Variants in SND1 observed in about 807,000 individuals in gnomAD.
SND1 encodes the protein staphylococcal nuclease and tudor domain containing 1.
A neutral mutation model predicts 121.7 loss-of-function variants in SND1; 38 were observed. That is an observed-to-expected ratio of 0.31 (90% CI 0.24 to 0.41). SND1 has a LOEUF of 0.41. Ranked by LOEUF, SND1 falls within the 10% of genes least tolerant of loss-of-function variation. The pLI is 1.00. For synonymous variants in SND1, 401 were observed against 447.4 expected (o/e 0.90, Z 1.31); for missense variants, 868 against 1,184.6 (o/e 0.73, Z 3.92).
At chr7:127,812,397 G>T (rs1376654671) in intron 11 of SND1, among the ~76,000 whole-genome samples, 1 of 152,174 alleles carries the variant, frequency 6.6e-6, no homozygotes, top group African/African-American at 2.4e-5. Flanking sequence ...GTTTCATCAA[G>T]TCGTTCTTCA....
chr7:128,085,876 C>G lies in SND1; in HGVS notation c.2304+96C>G. ...CTCTCCAAGGTCCCTCTGAGCTTAC[C>G]AATAGAACAATGAGCATTGGGGCAT... On this transcript the variant is annotated intron_variant, in intron 20 of 23. Transcript: ENST00000354725. The surrounding 1 kb of genome is among the most constrained non-coding windows in gnomAD (Gnocchi z 4.4). The G allele has an allele frequency of 9.5e-7, 1 of 1,050,582 alleles. No homozygotes were observed. Among genetic ancestry groups the G allele is most frequent in the South Asian group, 1.3e-5 (1 of 74,450 alleles). 65.1% of individuals were successfully genotyped at this position (1,050,582 alleles called of 1,614,324 possible). A position where few individuals can be genotyped will look rare whatever the true frequency, so the allele number is the denominator to read the frequency against.
intron 16 of SND1, among the ~76,000 whole-genome samples, chr7:128,057,970 C>T (rs2117030229): frequency 6.6e-6 from 1 of 152,306 alleles, no homozygotes; most frequent in South Asian, 2.1e-4. Flanking sequence ...CTAAAAGTGA[C>T]CAGTGCTCAG....
At chr7:127,712,961 C>A (rs1415647652) in intron 9 of SND1, among the ~76,000 whole-genome samples, 1 of 152,192 alleles carries the variant, frequency 6.6e-6, no homozygotes, top group African/African-American at 2.4e-5. Context: ...AAGTAATTGG[C>A]AGTTATTTCC....
At chr7:127,839,079 C>T (rs1029810880) in intron 11 of SND1, among the ~76,000 whole-genome samples, 7 of 152,300 alleles carry the variant, frequency 4.6e-5, no homozygotes, top group African/African-American at 1.7e-4. Flanking sequence ...GTCACTGCAG[C>T]CTGGCTGTTC....
chr7:128,034,320 G>A (rs1284828979), intron 16 of SND1, among the ~76,000 whole-genome samples: 1 of 152,176 alleles, frequency 6.6e-6, no homozygotes, highest in Non-Finnish European at 1.5e-5. Context: ...AGACATGGAG[G>A]TAAGTCAAAC....
chr7:127,919,386 A>G (rs1800652386), intron 14 of SND1, among the ~76,000 whole-genome samples: 1 of 152,088 alleles, frequency 6.6e-6, no homozygotes, highest in Non-Finnish European at 1.5e-5. Context: ...GCCTCATCAG[A>G]TGTCTTTTAA....
At chr7:128,033,238 T>C (rs974248854) in intron 16 of SND1, among the ~76,000 whole-genome samples, 1 of 152,148 alleles carries the variant, frequency 6.6e-6, no homozygotes. Flanking sequence ...GACAGACTAG[T>C]GTAGGAGAAG....
intron 12 of SND1, among the ~76,000 whole-genome samples, chr7:127,868,490 A>C (rs910201222): frequency 6.6e-6 from 1 of 152,176 alleles, no homozygotes; most frequent in Admixed American, 6.5e-5. Context: ...TTGACTTAAC[A>C]AATGCTCGTG....
chr7:127,973,769 C>T (rs112342490), intron 15 of SND1, among the ~76,000 whole-genome samples: 2,957 of 152,328 alleles, frequency 0.019, 55 homozygotes, highest in Non-Finnish European at 0.029. Context: ...CCATATTACT[C>T]CCCCTTCTCA....
At chr7:127,861,074 C>G (rs753206808) in intron 12 of SND1, among the ~76,000 whole-genome samples, 1 of 152,152 alleles carries the variant, frequency 6.6e-6, no homozygotes, top group Non-Finnish European at 1.5e-5. Context: ...CTAGGTATAA[C>G]CCCATTTATG....
chr7:127,999,225 G>A (rs1325177071), intron 16 of SND1: 2 of 152,094 alleles, frequency 1.3e-5, no homozygotes, highest in Non-Finnish European at 2.9e-5. Context: ...GAACATGTAG[G>A]AAGGCCTCAA....
chr7:127,877,771 G>A (rs1398776713), intron 12 of SND1, among the ~76,000 whole-genome samples: 1 of 151,980 alleles, frequency 6.6e-6, no homozygotes, highest in Non-Finnish European at 1.5e-5. Flanking sequence ...CTTTGGTTTT[G>A]TTTCTTTTCT....
At chr7:127,887,591 G>A (rs1458063288) in intron 12 of SND1, among the ~76,000 whole-genome samples, 1 of 149,930 alleles carries the variant, frequency 6.7e-6, no homozygotes, top group East Asian at 2.0e-4. Flanking sequence ...GCAGTGGCTT[G>A]TTTATAACAT....
intron 11 of SND1, among the ~76,000 whole-genome samples, chr7:127,825,812 A>G (rs551651214): frequency 6.6e-6 from 1 of 152,384 alleles, no homozygotes; most frequent in African/African-American, 2.4e-5. Context: ...ATAAAGGAAA[A>G]ATAAAAGTAA....
chr7:127,799,968 C>T (rs540966175), intron 10 of SND1, among the ~76,000 whole-genome samples: 96 of 152,300 alleles, frequency 6.3e-4, no homozygotes, highest in Middle Eastern at 3.4e-3. Flanking sequence ...CTGCTGCTAG[C>T]TTGTAGCTTT....
chr7:127,678,480 TGA>T (rs1196261302), intron 1 of SND1, among the ~76,000 whole-genome samples: 2 of 152,102 alleles, frequency 1.3e-5, no homozygotes, highest in Non-Finnish European at 1.5e-5. Flanking sequence ...AGCACTGCCA[TGA>T]GCTCCTGGGC....
intron 15 of SND1, among the ~76,000 whole-genome samples, chr7:127,967,864 T>C (rs958347142): frequency 1.3e-5 from 2 of 152,240 alleles, no homozygotes; most frequent in African/African-American, 4.8e-5. Context: ...TGATTAAATA[T>C]GCTAAAACTC....
At chr7:127,946,964 A>G (rs879795556) in intron 15 of SND1, among the ~76,000 whole-genome samples, 3 of 147,848 alleles carry the variant, frequency 2.0e-5, no homozygotes, top group African/African-American at 7.6e-5. Flanking sequence ...AGAACAGAAA[A>G]TAATGTTTTT....
intron 10 of SND1, among the ~76,000 whole-genome samples, chr7:127,746,212 A>G (rs1796980146): frequency 6.6e-6 from 1 of 152,198 alleles, no homozygotes; most frequent in Non-Finnish European, 1.5e-5. Flanking sequence ...ATTTCATAGC[A>G]TAGTCTCTGC....
Sources: gnomAD v4.1 joint callset for allele counts (sites outside exome capture counted in the v4.1 genomes callset) on GRCh38, gnomAD v4.1.1 for gene constraint, Gnocchi (gnomAD v3.1) non-coding constraint, MANE v1.5 for transcripts, NCBI Gene and HGNC (gene_info 2026-07-23, HGNC 2026-07-21) for gene names.